Variants in NHEJ1 observed in about 807,000 individuals in gnomAD.
The protein encoded by NHEJ1 is non-homologous end joining factor 1, also known as non-homologous end-joining factor 1.
In NHEJ1, 22 loss-of-function variants were observed where a neutral mutation model predicts 39.4. The observed-to-expected ratio is 0.56, with a 90% CI of 0.40 to 0.80. The LOEUF is 0.80. NHEJ1 is among the 30% of genes least tolerant of loss of function. The pLI is 0.00. For missense variants in NHEJ1, 329 were observed against 357.1 expected (o/e 0.92, Z 0.63); for synonymous variants, 154 against 135.6 (o/e 1.14, Z -0.94).
chr2:219,128,614 C>T (rs886566517), intron 5 of NHEJ1, among the ~76,000 whole-genome samples: 2 of 152,086 alleles, frequency 1.3e-5, no homozygotes, highest in Admixed American at 6.5e-5. Context: ...TCCAAGCACG[C>T]GACTTCCAGC....
intron 3 of NHEJ1, among the ~76,000 whole-genome samples, chr2:219,152,860 T>C (rs1458672391): frequency 2.7e-5 from 4 of 150,658 alleles, no homozygotes; most frequent in Non-Finnish European, 4.4e-5. Flanking sequence ...TGGAGTGCAA[T>C]GGCGCAATCT....
At chr2:219,113,384 G>C (rs754304271) in intron 5 of NHEJ1, among the ~76,000 whole-genome samples, 1 of 152,038 alleles carries the variant, frequency 6.6e-6, no homozygotes, top group Non-Finnish European at 1.5e-5. Flanking sequence ...TAGAAAAGGG[G>C]AGGAAAATGG....
At chr2:219,120,855 T>C (rs1949464732) in intron 5 of NHEJ1, among the ~76,000 whole-genome samples, 1 of 152,130 alleles carries the variant, frequency 6.6e-6, no homozygotes, top group South Asian at 2.1e-4. Context: ...CCTCGTCCTC[T>C]AATTGTTCCA....
rs58279021 is a variant in NHEJ1 at position 219,137,570 on chromosome 2, C to CAAAAAAAA, written c.588+9102_588+9109dup. 9.0e-3 allele frequency among the ~76,000 whole-genome samples: 310 copies of CAAAAAAAA among 34,582 alleles called. 1 individual carries two copies. Among genetic ancestry groups the CAAAAAAAA allele is most frequent in the Non-Finnish European group, 0.01 (161 of 15,966 alleles). The allele number at this position is 34,582 out of a possible 152,430, so 22.7% of individuals were successfully genotyped here. A position where few individuals can be genotyped will look rare whatever the true frequency, so the allele number is the denominator to read the frequency against. Reference sequence around the variant, plus strand: ...AATGGAGAAATAAATGTGTTACAGGCAAAAAAAAAAAAAAAAAAAAAACAA... The same window carrying CAAAAAAAA: ...AATGGAGAAATAAATGTGTTACAGGCAAAAAAAAAAAAAAAAAAAAAAAAAAAAAACAA... On this transcript the variant is annotated intron_variant, in intron 5 of 7. Transcript: ENST00000356853.
chr2:219,121,494 G>C (rs1266196238), intron 5 of NHEJ1, among the ~76,000 whole-genome samples: 1 of 151,892 alleles, frequency 6.6e-6, no homozygotes, highest in East Asian at 1.9e-4. Flanking sequence ...TTATTGTTCT[G>C]ATTTTTTCTA....
chr2:219,129,498 C>T (rs1949555975), intron 5 of NHEJ1, among the ~76,000 whole-genome samples: 1 of 152,184 alleles, frequency 6.6e-6, no homozygotes, highest in Non-Finnish European at 1.5e-5. Context: ...ACCAGCAAAC[C>T]TTCCTCCCTC....
chr2:219,152,115 T>G (rs142057696), intron 3 of NHEJ1, among the ~76,000 whole-genome samples: 9 of 152,288 alleles, frequency 5.9e-5, no homozygotes, highest in Admixed American at 1.3e-4. Context: ...AGTTCATCAG[T>G]CAATTCAACA....
At chr2:219,098,729 T>C (rs1949230352) in intron 5 of NHEJ1, among the ~76,000 whole-genome samples, 1 of 152,168 alleles carries the variant, frequency 6.6e-6, no homozygotes. Context: ...GGTAGGAGGA[T>C]TGCTTAAGCC....
At chr2:219,123,570 A>T (rs1414849837) in intron 5 of NHEJ1, among the ~76,000 whole-genome samples, 1 of 152,250 alleles carries the variant, frequency 6.6e-6, no homozygotes, top group Non-Finnish European at 1.5e-5. Context: ...TCTATGTCAC[A>T]TGACAGAACT....
chr2:219,144,865 ATCTC>A (rs1949720950), intron 5 of NHEJ1, among the ~76,000 whole-genome samples: 1 of 152,260 alleles, frequency 6.6e-6, no homozygotes, highest in African/African-American at 2.4e-5. Context: ...GGCCTAAGAA[ATCTC>A]TCTTAGTCAC....
chr2:219,102,952 C>T (rs1205936192), intron 5 of NHEJ1, among the ~76,000 whole-genome samples: 1 of 141,498 alleles, frequency 7.1e-6, no homozygotes, highest in Non-Finnish European at 1.5e-5. Context: ...TTGCAGTGAG[C>T]CGAGATCCCG....
At chr2:219,121,233 G>A (rs1232223939) in intron 5 of NHEJ1, among the ~76,000 whole-genome samples, 1 of 151,448 alleles carries the variant, frequency 6.6e-6, no homozygotes, top group Non-Finnish European at 1.5e-5. Context: ...ATCTAGGAAA[G>A]GAGTTCCCAA....
At chr2:219,109,124 C>A (rs763674290) in intron 5 of NHEJ1, among the ~76,000 whole-genome samples, 4 of 149,322 alleles carry the variant, frequency 2.7e-5, no homozygotes, top group Admixed American at 7.6e-5. Flanking sequence ...TCAGACAGAA[C>A]AACAAGCCCC....
chr2:219,073,715 T>C lies in NHEJ1; in HGVS notation c.*2666A>G, dbSNP rs1948985772. On this transcript the variant is annotated 3_prime_UTR_variant, in exon 8 of 8. Transcript: ENST00000356853. ...TTTTTCTAAAAATACTCCAAAGCAATTGAAAGAGTCCCTTCTCCCACCAGC... is the reference window on the plus strand; with the variant it reads ...TTTTTCTAAAAATACTCCAAAGCAACTGAAAGAGTCCCTTCTCCCACCAGC... Among the ~76,000 whole-genome samples, 1 of 152,156 alleles carries C rather than the reference T, an allele frequency of 6.6e-6. No homozygotes were observed. The highest frequency in any genetic ancestry group is 1.5e-5 in the Non-Finnish European group (1 of 68,028).
chr2:219,079,360 C>G (rs1359851803), intron 5 of NHEJ1, among the ~76,000 whole-genome samples: 1 of 152,164 alleles, frequency 6.6e-6, no homozygotes, highest in African/African-American at 2.4e-5. Context: ...TTGGCCCATA[C>G]CTTGGGTCAA....
intron 5 of NHEJ1, among the ~76,000 whole-genome samples, chr2:219,091,321 G>C (rs1949158264): frequency 6.6e-6 from 1 of 152,090 alleles, no homozygotes; most frequent in African/African-American, 2.4e-5. Context: ...GTTTAAGCTA[G>C]GGTAAACAGC....
intron 5 of NHEJ1, among the ~76,000 whole-genome samples, chr2:219,084,424 G>A (rs1358625096): frequency 1.3e-5 from 2 of 152,298 alleles, no homozygotes; most frequent in East Asian, 1.9e-4. Flanking sequence ...TAGTAATACA[G>A]TGACCAGTCA....
chr2:219,101,259 C>T (rs906748445), intron 5 of NHEJ1, among the ~76,000 whole-genome samples: 2 of 151,996 alleles, frequency 1.3e-5, no homozygotes, highest in African/African-American at 4.8e-5. Context: ...GGATTACAGG[C>T]GCGTACCACC....
chr2:219,154,182 A>G (rs1949826330), intron 3 of NHEJ1, among the ~76,000 whole-genome samples: 1 of 152,174 alleles, frequency 6.6e-6, no homozygotes, highest in Non-Finnish European at 1.5e-5. Flanking sequence ...AAGGCTCATC[A>G]AGTGAAGCAG....
Sources: allele counts gnomAD v4.1 joint callset (sites outside exome capture counted in the v4.1 genomes callset), GRCh38; gene constraint gnomAD v4.1.1; transcripts MANE v1.5; gene names NCBI Gene and HGNC (gene_info 2026-07-23, HGNC 2026-07-21).